The following DTHD1 variants were observed in gnomAD, a reference collection of about 807,000 sequenced individuals.
DTHD1 encodes death domain containing 1.
Under a neutral mutation model 74.8 loss-of-function variants are expected in DTHD1, and 59 were observed. The observed-to-expected ratio is 0.79, with a 90% CI of 0.64 to 0.98. The LOEUF is 0.98. DTHD1 is among the 50% of genes least tolerant of loss of function. The pLI is 0.00. For missense variants in DTHD1, 1,051 were observed against 1,065.4 expected (o/e 0.99, Z 0.19); for synonymous variants, 365 against 371.1 (o/e 0.98, Z 0.19).
chr4:36,315,962 G>A (rs984580491), intron 7 of DTHD1, among the ~76,000 whole-genome samples: 7 of 152,342 alleles, frequency 4.6e-5, no homozygotes, highest in Admixed American at 2.0e-4. Context: ...TTGAGACGGA[G>A]TCTCCTTCTA....
chr4:36,345,746 G>A lies in DTHD1; in HGVS notation c.*1922G>A, dbSNP rs1433038298. 6.6e-6 allele frequency: 1 copy of A among 152,132 alleles called. No individual in the cohort carries two copies. Among genetic ancestry groups the A allele is most frequent in the Admixed American group, 6.5e-5 (1 of 15,268 alleles). The allele number at this position is 152,132 out of a possible 1,614,324, so 9.4% of individuals were successfully genotyped here. A position where few individuals can be genotyped will look rare whatever the true frequency, so the allele number is the denominator to read the frequency against. On this transcript the variant is annotated 3_prime_UTR_variant, in exon 10 of 10. Coordinates refer to ENST00000639862, the MANE Select transcript of DTHD1 (RefSeq NM_001170700.3). The stretch of plus-strand genomic sequence containing the variant: ...GAACAAAAAAGTAAAGAAAATGAAA[G>A]TTGCTTCTTATCCTGTCATTAGAGA...
At chr4:36,290,764 A>G in intron 3 of DTHD1, 61 bp downstream of exon 3, 1 of 1,284,368 alleles carries the variant, frequency 7.8e-7, no homozygotes, top group Non-Finnish European at 1.1e-6. Context: ...AATATCACTC[A>G]GACTAACAGA....
At chr4:36,323,025 A>C (rs1157939762) in intron 8 of DTHD1, among the ~76,000 whole-genome samples, 1 of 151,938 alleles carries the variant, frequency 6.6e-6, no homozygotes, top group African/African-American at 2.4e-5. Context: ...CCTTCCTCCT[A>C]CTTAGAGGTT....
At chr4:36,293,727 G>T (rs1333651361) in intron 4 of DTHD1, 22 bp downstream of exon 4, 2 of 1,471,414 alleles carry the variant, frequency 1.4e-6, no homozygotes, top group African/African-American at 2.8e-5. Flanking sequence ...AAAAATAGGT[G>T]AGTTCCTGCT....
At chr4:36,338,002 G>A (rs890429998) in intron 8 of DTHD1, among the ~76,000 whole-genome samples, 2 of 152,164 alleles carry the variant, frequency 1.3e-5, no homozygotes, top group Non-Finnish European at 2.9e-5. Context: ...TCAGGAAGTT[G>A]ACATTGATAC....
Position 36,293,602 on chromosome 4 carries a change from C to A in DTHD1, c.1295C>A (p.Thr432Lys). Reference sequence around the variant, plus strand: ...TCTTGTTTAAAGAAAGAGTCGTTCACAGTAACAAAGAAAGGCCTCGCTCTT... The same window carrying A: ...TCTTGTTTAAAGAAAGAGTCGTTCAAAGTAACAAAGAAAGGCCTCGCTCTT... Reference protein sequence around the residue: ...VVSCLKKESFTVTKKGLALKS... With the variant: ...VVSCLKKESFKVTKKGLALKS... The change falls in exon 4 of 10, where the codon ACA (threonine) becomes AAA (lysine). Residue 432 changes from threonine (T) to lysine (K), a missense_variant. Physicochemically the swap from Thr to Lys is moderately conservative, Grantham distance 78 (BLOSUM62 -1). Coordinates refer to ENST00000639862, the MANE Select transcript of DTHD1 (RefSeq NM_001170700.3). The A allele has an allele frequency of 6.5e-7, 1 of 1,549,526 alleles. No homozygotes were observed. Among genetic ancestry groups the A allele is most frequent in the Non-Finnish European group, 8.7e-7 (1 of 1,145,552 alleles).
At chr4:36,314,462 C>T (rs1345012358) in intron 7 of DTHD1, among the ~76,000 whole-genome samples, 1 of 142,264 alleles carries the variant, frequency 7.0e-6, no homozygotes, top group Non-Finnish European at 1.5e-5. Context: ...TGCTTGCCTT[C>T]AGGAGAGTTC....
At chr4:36,282,125 A>G (rs1396873184) in intron 1 of DTHD1, 96 bp downstream of exon 1, 2 of 1,051,912 alleles carry the variant, frequency 1.9e-6, no homozygotes, top group Non-Finnish European at 2.6e-6. Context: ...AGGCTAAGAT[A>G]GAGTTTCTGT....
Position 36,345,853 on chromosome 4 carries a change from T to C in DTHD1, c.*2029T>C, listed in dbSNP as rs771630370. 1 of 152,384 alleles carries C rather than the reference T, an allele frequency of 6.6e-6. No individual in the cohort carries two copies. Among genetic ancestry groups the C allele is most frequent in the Non-Finnish European group, 1.5e-5 (1 of 68,028 alleles). 9.4% of individuals were successfully genotyped at this position (152,384 alleles called of 1,614,324 possible). A position where few individuals can be genotyped will look rare whatever the true frequency, so the allele number is the denominator to read the frequency against. On this transcript the variant is annotated 3_prime_UTR_variant, in exon 10 of 10. Coordinates refer to ENST00000639862, the MANE Select transcript of DTHD1 (RefSeq NM_001170700.3). ...GAAAATATTTCTATTTCTATCGGTA[T>C]AGATGTATCTAAGGACACTCACATA...
intron 2 of DTHD1, among the ~76,000 whole-genome samples, chr4:36,285,285 T>C (rs1007412625): frequency 1.3e-5 from 2 of 152,128 alleles, no homozygotes; most frequent in Admixed American, 6.5e-5. Flanking sequence ...TAGAAGACTG[T>C]AGGGTGTTAG....
chr4:36,284,427 CAT>C lies in DTHD1; in HGVS notation c.725_726del (p.Ile242AsnfsTer27), dbSNP rs1560782692. ...ATGGCAACAGGGAAGAGACTCATGG[CAT>C]AATTCAGACAACAGAGACAGAAATT... ...INGNREETHG[I>X]IQTTETEIQE... On this transcript the variant is annotated frameshift_variant, in exon 2 of 10. Transcript: ENST00000639862. LOFTEE classifies it high-confidence loss of function. The C allele has an allele frequency of 6.5e-7, 1 of 1,537,052 alleles. No homozygotes were observed. The highest frequency in any genetic ancestry group is 1.2e-5 in the South Asian group (1 of 84,060).
At chr4:36,328,475 T>A (rs1006583615) in intron 8 of DTHD1, among the ~76,000 whole-genome samples, 2 of 152,196 alleles carry the variant, frequency 1.3e-5, no homozygotes, top group African/African-American at 2.4e-5. Flanking sequence ...AAACCGTGTG[T>A]GTGTGTCCAC....
chr4:36,305,950 CTTT>C (rs1177259115), intron 5 of DTHD1, among the ~76,000 whole-genome samples: 1 of 152,196 alleles, frequency 6.6e-6, no homozygotes, highest in Non-Finnish European at 1.5e-5. Context: ...CTGTACGTTT[CTTT>C]AATTATCACA....
chr4:36,343,518 C>T lies in DTHD1; in HGVS notation c.2415C>T (p.Asn805=). Residue 805 remains asparagine, a synonymous_variant, in exon 10 of 10, where the codon AAC becomes AAT. Transcript: ENST00000639862. ...SKDPVEALWD[N]LLHWLAEELS... is the part of the protein sequence containing the mutation. ...GCCTGACAGAAGCCCTTTGGGATAA[C>T]TTGCTCCATTGGCTGGCTGAGGAGC... is the stretch of plus-strand genomic sequence containing the variant. 9 of 1,551,336 alleles carry T rather than the reference C, an allele frequency of 5.8e-6. No homozygotes were observed. Among genetic ancestry groups the T allele is most frequent in the Non-Finnish European group, 7.8e-6 (9 of 1,146,746 alleles).
chr4:36,293,006 C>A (rs1164810258), intron 3 of DTHD1, among the ~76,000 whole-genome samples: 1 of 152,092 alleles, frequency 6.6e-6, no homozygotes. Context: ...AGAGGAGAGG[C>A]AAAGAGAAAA....
In DTHD1 at chr4:36,294,983, T is replaced by A. The variant is rs1475997164; in HGVS notation, c.1587T>A (p.Asp529Glu). The A allele has an allele frequency of 9.7e-6, 15 of 1,551,214 alleles. No homozygotes were observed. Among genetic ancestry groups the A allele is most frequent in the African/African-American group, 1.4e-5 (1 of 73,130 alleles). Residue 529 changes from aspartate to glutamate, a missense_variant, in exon 5 of 10, where the codon GAT (aspartate) becomes GAA (glutamate). Physicochemically the swap from Asp to Glu is conservative, Grantham distance 45. Transcript: ENST00000639862. ...LDKNNLGSEI[D>E]HKRRASATIN... The stretch of plus-strand genomic sequence containing the variant: ...AAAACAACCTTGGTTCTGAGATAGA[T>A]CATAAAAGAAGAGCAAGTGCCACAA...
chr4:36,325,222 TAGAG>T (rs1560812550), intron 8 of DTHD1, among the ~76,000 whole-genome samples: 3 of 152,188 alleles, frequency 2.0e-5, no homozygotes, highest in African/African-American at 7.2e-5. Flanking sequence ...TTTCATGACA[TAGAG>T]AGCACATGCA....
chr4:36,343,436 A>G, intron 9 of DTHD1, 66 bp from the exon 10 acceptor site: 2 of 1,423,782 alleles, frequency 1.4e-6, no homozygotes, highest in Non-Finnish European at 1.9e-6. Flanking sequence ...ACAGGTGTGG[A>G]GGGTTAGACC....
intron 5 of DTHD1, 68 bp from the exon 6 acceptor site, chr4:36,306,123 A>C: frequency 7.4e-7 from 1 of 1,344,886 alleles, no homozygotes; most frequent in Non-Finnish European, 1.0e-6. Context: ...CAATGAAAGA[A>C]TGAATGCATT....
Sources: gnomAD v4.1 joint callset for allele counts (sites outside exome capture counted in the v4.1 genomes callset) on GRCh38, gnomAD v4.1.1 for gene constraint, MANE v1.5 for transcripts, NCBI Gene and HGNC (gene_info 2026-07-23, HGNC 2026-07-21) for gene names.